Variants in SLC9B1 observed in about 807,000 individuals in gnomAD.
SLC9B1 encodes sodium/hydrogen exchanger 9B1.
SLC9B1 carries 32 observed loss-of-function variants against 51.7 expected under a neutral mutation model. That is an observed-to-expected ratio of 0.62 (90% CI 0.47 to 0.83). The LOEUF (loss-of-function observed/expected upper bound fraction) is 0.83, where lower values mean the gene tolerates loss of function less well. SLC9B1 is among the 40% of genes least tolerant of loss of function. SLC9B1 has a pLI of 0.00. For synonymous variants in SLC9B1, 145 were observed against 212.7 expected, an observed-to-expected ratio of 0.68 and a Z score of 2.77; for missense variants, 406 against 613.2, an observed-to-expected ratio of 0.66 and a Z score of 3.57.
At chr4:103,010,153 G>A (rs762403554) in intron 1 of SLC9B1, among the ~76,000 whole-genome samples, 5 of 152,260 alleles carry the variant, frequency 3.3e-5, no homozygotes, top group Middle Eastern at 6.8e-3. Context: ...TTTGTATGCT[G>A]TAACAGAATA....
intron 3 of SLC9B1, among the ~76,000 whole-genome samples, chr4:102,958,574 C>A (rs1367281786): frequency 1.3e-5 from 2 of 151,774 alleles, no homozygotes; most frequent in African/African-American, 4.8e-5. Context: ...CTGATTGAGC[C>A]CAGGAGTTTG....
intron 3 of SLC9B1, among the ~76,000 whole-genome samples, chr4:102,974,207 A>G (rs1360179985): frequency 1.5e-5 from 2 of 136,458 alleles, no homozygotes; most frequent in Non-Finnish European, 3.1e-5. Flanking sequence ...ACTGCATTCC[A>G]GCCTGGGCAA....
intron 7 of SLC9B1, among the ~76,000 whole-genome samples, chr4:102,923,625 C>T (rs1166850114): frequency 6.6e-6 from 1 of 151,922 alleles, no homozygotes; most frequent in Non-Finnish European, 1.5e-5. Flanking sequence ...GTCAAATTGT[C>T]CCTGTTTGCA....
intron 7 of SLC9B1, among the ~76,000 whole-genome samples, chr4:102,924,261 C>T (rs541577694): frequency 6.6e-6 from 1 of 152,094 alleles, no homozygotes; most frequent in African/African-American, 2.4e-5. Flanking sequence ...GACACATCTA[C>T]AACCATCTGA....
chr4:102,925,026 A>G (rs566110756), intron 7 of SLC9B1, among the ~76,000 whole-genome samples: 6 of 152,284 alleles, frequency 3.9e-5, no homozygotes, highest in Admixed American at 3.9e-4. Flanking sequence ...AACTAGAAAT[A>G]CCATTTCACC....
intron 1 of SLC9B1, among the ~76,000 whole-genome samples, chr4:103,007,478 AG>A (rs1740845908): frequency 6.6e-6 from 1 of 152,208 alleles, no homozygotes; most frequent in African/African-American, 2.4e-5. Flanking sequence ...TATGACACAA[AG>A]GGAAAAACAT....
chr4:102,962,742 T>G (rs977396209), intron 3 of SLC9B1: 22 of 472,034 alleles, frequency 4.7e-5, no homozygotes, highest in African/African-American at 4.2e-4. Flanking sequence ...GAGCAGTCAC[T>G]GGAGACCACA....
In SLC9B1 at chr4:102,968,758, C is replaced by T. The variant is rs1029151386; in HGVS notation, c.212-19331G>A. On this transcript the variant is annotated intron_variant, in intron 3 of 11. Transcript: ENST00000296422. ...TCATCCGGGAAGCAGCACAAGGGGT[C>T]GGGGGATTTCCCTTTCTTAGCCAAG... 3.3e-5 allele frequency among the ~76,000 whole-genome samples: 5 copies of T among 152,202 alleles called. No homozygotes were observed. In the East Asian group the frequency reaches 5.8e-4, roughly 18 times the overall value.
intron 6 of SLC9B1, among the ~76,000 whole-genome samples, chr4:102,935,878 T>C (rs1736696865): frequency 6.6e-6 from 1 of 152,192 alleles, no homozygotes; most frequent in Non-Finnish European, 1.5e-5. Flanking sequence ...CATGCAAGTA[T>C]GCAGAACAAC....
At chr4:102,965,202 TTATAA>T (rs1294727191) in intron 3 of SLC9B1, among the ~76,000 whole-genome samples, 39 of 152,222 alleles carry the variant, frequency 2.6e-4, no homozygotes, top group Admixed American at 2.4e-3. Flanking sequence ...TTTTATGTTG[TTATAA>T]TAGAATACCT....
intron 3 of SLC9B1, among the ~76,000 whole-genome samples, chr4:102,980,571 T>C (rs558410700): frequency 2.0e-5 from 3 of 151,812 alleles, no homozygotes; most frequent in Admixed American, 1.3e-4. Flanking sequence ...CAACACACAC[T>C]GGGGCTTGTT....
intron 7 of SLC9B1, 139 bp from the exon 8 acceptor site, chr4:102,911,676 G>C (rs1735342615): frequency 3.5e-6 from 2 of 576,628 alleles, no homozygotes; most frequent in Non-Finnish European, 6.1e-6. Context: ...TCTTTTTATA[G>C]TGACATATAT....
chr4:102,971,277 C>T (rs532148176), intron 3 of SLC9B1, among the ~76,000 whole-genome samples: 1 of 152,130 alleles, frequency 6.6e-6, no homozygotes, highest in African/African-American at 2.4e-5. Flanking sequence ...ACAGAAATCA[C>T]AACAAACTGT....
At chr4:103,019,517 TACCGCAAGGAAAC>T in intron 1 of SLC9B1, 69 bp downstream of exon 1, 1 of 937,068 alleles carries the variant, frequency 1.1e-6, no homozygotes, top group Non-Finnish European at 1.3e-6. Context: ...TCCTGCGGCC[TACCGCAAGGAAAC>T]GATCGCGGCA....
At chr4:102,937,481 C>T (rs904465425) in intron 6 of SLC9B1, among the ~76,000 whole-genome samples, 7 of 139,328 alleles carry the variant, frequency 5.0e-5, no homozygotes, top group Non-Finnish European at 7.7e-5. Flanking sequence ...AATCCCAGCA[C>T]TTTGGGAGGC....
intron 11 of SLC9B1, among the ~76,000 whole-genome samples, chr4:102,886,165 T>A (rs1733899983): frequency 6.6e-6 from 1 of 152,164 alleles, no homozygotes; most frequent in African/African-American, 2.4e-5. Context: ...GAAAGCATAT[T>A]ACAGTGTGAT....
intron 3 of SLC9B1, among the ~76,000 whole-genome samples, chr4:102,957,778 GTATA>G (rs1174237946): frequency 7.1e-4 from 107 of 149,920 alleles, no homozygotes; most frequent in African/African-American, 2.4e-3. Context: ...GTGTATGTGT[GTATA>G]TGTGTGTGTG....
At chr4:103,000,287 A>T (rs933685501) in intron 1 of SLC9B1, among the ~76,000 whole-genome samples, 1 of 152,146 alleles carries the variant, frequency 6.6e-6, no homozygotes, top group Non-Finnish European at 1.5e-5. Flanking sequence ...CAGTCCCCCA[A>T]AGTCTTAACT....
At chr4:102,975,030 T>G (rs1281228672) in intron 3 of SLC9B1, among the ~76,000 whole-genome samples, 1 of 152,156 alleles carries the variant, frequency 6.6e-6, no homozygotes, top group Non-Finnish European at 1.5e-5. Flanking sequence ...AGAGACAGGG[T>G]CTTGCCCTGC....
Sources: gnomAD v4.1 joint callset for allele counts (sites outside exome capture counted in the v4.1 genomes callset) on GRCh38, gnomAD v4.1.1 for gene constraint, MANE v1.5 for transcripts, NCBI Gene and HGNC (gene_info 2026-07-23, HGNC 2026-07-21) for gene names.